MYO3B: variants seen among roughly 807,000 people sequenced by gnomAD.
MYO3B encodes the protein myosin IIIB.
A neutral mutation model predicts 174.6 loss-of-function variants in MYO3B; 156 were observed. The ratio of observed to expected loss-of-function variants is 0.89; its 90% CI spans 0.78 to 1.02. The LOEUF is 1.02. Ranked by LOEUF, MYO3B falls within the 50% of genes least tolerant of loss-of-function variation. MYO3B has a pLI of 0.00. For missense variants in MYO3B, 1,632 were observed against 1,639.4 expected, an observed-to-expected ratio of 1.00 and a Z score of 0.08; for synonymous variants, 563 against 569.1, an observed-to-expected ratio of 0.99 and a Z score of 0.15.
intron 16 of MYO3B, among the ~76,000 whole-genome samples, chr2:170,395,283 A>G (rs1172094751): frequency 6.6e-6 from 1 of 152,210 alleles, no homozygotes; most frequent in Admixed American, 6.5e-5. Context: ...GAGCCAAACC[A>G]TACTATTTTT....
intron 32 of MYO3B, among the ~76,000 whole-genome samples, chr2:170,647,184 G>C (rs1698453691): frequency 6.6e-6 from 1 of 152,130 alleles, no homozygotes; most frequent in Non-Finnish European, 1.5e-5. Context: ...GTATTGAGAA[G>C]AGTAAAGGAT....
chr2:170,325,018 C>T (rs1465821233), intron 7 of MYO3B, among the ~76,000 whole-genome samples: 5 of 152,100 alleles, frequency 3.3e-5, no homozygotes, highest in Admixed American at 3.3e-4. Flanking sequence ...ATAGCCTTTC[C>T]ACTGAGGCCT....
intron 26 of MYO3B, 102 bp from the exon 27 acceptor site, chr2:170,499,539 CTTTAT>C (rs869044296): frequency 2.3e-6 from 2 of 887,874 alleles, no homozygotes; most frequent in Non-Finnish European, 3.3e-6. Context: ...TCGCTATAAA[CTTTAT>C]TTATATCATT....
At chr2:170,212,256 A>G (rs2092779867) in intron 3 of MYO3B, among the ~76,000 whole-genome samples, 6 of 151,942 alleles carry the variant, frequency 3.9e-5, no homozygotes, top group Admixed American at 3.9e-4. Flanking sequence ...AAAAAAAAAA[A>G]AAAAAGTCTG....
intron 28 of MYO3B, among the ~76,000 whole-genome samples, chr2:170,510,667 C>A (rs1687919101): frequency 7.4e-6 from 1 of 134,528 alleles, no homozygotes; most frequent in South Asian, 2.3e-4. Flanking sequence ...ATAAACATGC[C>A]ATGTGAAGGC....
At chr2:170,604,385 G>T (rs909980011) in intron 32 of MYO3B, among the ~76,000 whole-genome samples, 12 of 152,128 alleles carry the variant, frequency 7.9e-5, no homozygotes, top group Non-Finnish European at 1.8e-4. Flanking sequence ...GGGTTCTGGG[G>T]AGGACTTATT....
chr2:170,231,146 A>C (rs1243013545), intron 6 of MYO3B, among the ~76,000 whole-genome samples: 1 of 152,220 alleles, frequency 6.6e-6, no homozygotes, highest in Non-Finnish European at 1.5e-5. Flanking sequence ...ATGTGGTTTC[A>C]TCCCATAGAT....
intron 6 of MYO3B, among the ~76,000 whole-genome samples, chr2:170,233,112 G>T (rs16858046): frequency 6.6e-6 from 1 of 152,124 alleles, no homozygotes; most frequent in African/African-American, 2.4e-5. Flanking sequence ...GAATTTCTCC[G>T]CAAAAGTTCT....
At chr2:170,189,859 G>A (rs2092517633) in intron 1 of MYO3B, among the ~76,000 whole-genome samples, 1 of 152,080 alleles carries the variant, frequency 6.6e-6, no homozygotes, top group Non-Finnish European at 1.5e-5. Context: ...GTTTGGTTAG[G>A]TCATGTTTTC....
chr2:170,290,131 T>G (rs562511756), intron 7 of MYO3B, among the ~76,000 whole-genome samples: 6 of 152,282 alleles, frequency 3.9e-5, no homozygotes, highest in African/African-American at 1.4e-4. Flanking sequence ...AAGCTGTGAT[T>G]CATTCTGGAA....
At chr2:170,255,590 A>T (rs1159539055) in intron 7 of MYO3B, among the ~76,000 whole-genome samples, 1 of 152,170 alleles carries the variant, frequency 6.6e-6, no homozygotes, top group African/African-American at 2.4e-5. Flanking sequence ...AAACGAAGCC[A>T]ATTGACTGTA....
At chr2:170,406,559 T>G (rs1187595186) in intron 21 of MYO3B, among the ~76,000 whole-genome samples, 1 of 152,106 alleles carries the variant, frequency 6.6e-6, no homozygotes, top group Non-Finnish European at 1.5e-5. Flanking sequence ...AAGGTCCTCC[T>G]CAGAGTCTGA....
At chr2:170,438,414 T>C (rs994793257) in intron 22 of MYO3B, among the ~76,000 whole-genome samples, 1 of 147,286 alleles carries the variant, frequency 6.8e-6, no homozygotes, top group Admixed American at 6.7e-5. Context: ...CTCTTGGAGA[T>C]CTTGTTTTCA....
intron 28 of MYO3B, among the ~76,000 whole-genome samples, chr2:170,511,659 A>G (rs1211402575): frequency 6.6e-6 from 1 of 152,200 alleles, no homozygotes; most frequent in Non-Finnish European, 1.5e-5. Context: ...CAGACTTCCT[A>G]ATCCTTATTT....
chr2:170,606,191 C>T (rs1559153729), intron 32 of MYO3B, among the ~76,000 whole-genome samples: 1 of 151,796 alleles, frequency 6.6e-6, no homozygotes, highest in East Asian at 1.9e-4. Context: ...CATTTTCCTT[C>T]CATAGCTTCC....
chr2:170,233,004 C>G (rs2093030886), intron 6 of MYO3B, among the ~76,000 whole-genome samples: 3 of 152,198 alleles, frequency 2.0e-5, no homozygotes, highest in Admixed American at 6.5e-5. Flanking sequence ...TATTTTAGGA[C>G]AACGCTTGAG....
chr2:170,441,863 C>T (rs2094803357), intron 22 of MYO3B, among the ~76,000 whole-genome samples: 1 of 152,168 alleles, frequency 6.6e-6, no homozygotes, highest in Non-Finnish European at 1.5e-5. Context: ...CTTTTTTTAA[C>T]TGCAACCTGT....
At chr2:170,305,742 T>A (rs1489104115) in intron 7 of MYO3B, among the ~76,000 whole-genome samples, 3 of 152,080 alleles carry the variant, frequency 2.0e-5, no homozygotes, top group Non-Finnish European at 4.4e-5. Flanking sequence ...AACAAATAAA[T>A]AATAAATAAA....
intron 9 of MYO3B, among the ~76,000 whole-genome samples, chr2:170,373,612 A>C (rs1442101538): frequency 6.6e-6 from 1 of 152,150 alleles, no homozygotes; most frequent in African/African-American, 2.4e-5. Context: ...TTGGACAGGT[A>C]AAGGGGAAGG....
Sources: gnomAD v4.1 joint callset for allele counts (sites outside exome capture counted in the v4.1 genomes callset) on GRCh38, gnomAD v4.1.1 for gene constraint, MANE v1.5 for transcripts, NCBI Gene and HGNC (gene_info 2026-07-23, HGNC 2026-07-21) for gene names.